The following ZSWIM6 variants were observed in gnomAD, a reference collection of about 807,000 sequenced individuals.
The protein encoded by ZSWIM6 is zinc finger SWIM domain-containing protein 6.
In ZSWIM6, 9 loss-of-function variants were observed where a neutral mutation model predicts 113.2. The ratio of observed to expected loss-of-function variants is 0.08; its 90% CI spans 0.05 to 0.14. The LOEUF (loss-of-function observed/expected upper bound fraction) is 0.14. Among genes scored for constraint, ZSWIM6 ranks in the 10% least tolerant of loss-of-function variants. The pLI, the probability that ZSWIM6 is intolerant of heterozygous loss-of-function variation, is 1.00. For missense variants in ZSWIM6, 1,162 were observed against 1,552.2 expected, an observed-to-expected ratio of 0.75 and a Z score of 4.22; for synonymous variants, 611 against 606.5, an observed-to-expected ratio of 1.01 and a Z score of -0.11.
At chr5:61,375,437 C>T in intron 1 of ZSWIM6, 2 of 1,519,774 alleles carry the variant, frequency 1.3e-6, no homozygotes, top group East Asian at 4.7e-5. Flanking sequence ...TCTTCTTCTT[C>T]ATCAAGCTCT....
At chr5:61,400,914 C>T (rs906303810) in intron 1 of ZSWIM6, among the ~76,000 whole-genome samples, 1 of 152,092 alleles carries the variant, frequency 6.6e-6, no homozygotes, top group Non-Finnish European at 1.5e-5. Context: ...TTTCCAGGCT[C>T]CTATTGACAA....
intron 1 of ZSWIM6, chr5:61,375,801 A>C: frequency 7.2e-7 from 1 of 1,388,326 alleles, no homozygotes. Flanking sequence ...AGCATAAGAA[A>C]CACAGTAAGA....
intron 1 of ZSWIM6, among the ~76,000 whole-genome samples, chr5:61,440,690 A>G (rs1746809418): frequency 6.6e-6 from 1 of 152,210 alleles, no homozygotes; most frequent in Non-Finnish European, 1.5e-5. Context: ...TGCTATTCAA[A>G]ACATGTTAGA....
rs1278218521 is a variant in ZSWIM6 at position 61,543,343 on chromosome 5, C to A, written c.2786-112C>A. 2.3e-6 allele frequency: 3 copies of A among 1,287,890 alleles called. No individual in the cohort carries two copies. The highest frequency in any genetic ancestry group is 2.7e-4 in the Middle Eastern group (1 of 3,716). The allele number at this position is 1,287,890 out of a possible 1,614,324, so 79.8% of individuals were successfully genotyped here. A position where few individuals can be genotyped will look rare whatever the true frequency, so the allele number is the denominator to read the frequency against. On this transcript the variant is annotated intron_variant, in intron 13 of 13. Coordinates refer to ENST00000252744, the MANE Select transcript of ZSWIM6 (RefSeq NM_020928.2). The surrounding 1 kb of genome is among the most constrained non-coding windows in gnomAD (Gnocchi z 4.3). ...TACTTTACAGGATTTTCTAGCCTAG[C>A]TCATGTCCTATGATGGTTAACAATG...
At chr5:61,502,431 CA>C (rs1172932221) in intron 4 of ZSWIM6, among the ~76,000 whole-genome samples, 1 of 152,118 alleles carries the variant, frequency 6.6e-6, no homozygotes, top group African/African-American at 2.4e-5. Context: ...GGTTTGGGGT[CA>C]GGGGGAAGCG....
intron 1 of ZSWIM6, among the ~76,000 whole-genome samples, chr5:61,368,013 G>A (rs574903588): frequency 1.3e-5 from 2 of 152,080 alleles, no homozygotes. Context: ...TGTAGTCCCA[G>A]CTACTTGGGA....
intron 9 of ZSWIM6, among the ~76,000 whole-genome samples, chr5:61,534,771 G>T (rs1046866263): frequency 2.6e-5 from 4 of 152,150 alleles, no homozygotes; most frequent in African/African-American, 9.7e-5. Context: ...AATTTACTAA[G>T]AAATGAATTT....
chr5:61,332,431 G>A lies in ZSWIM6; in HGVS notation c.159G>A (p.Ala53=). 9.9e-7 allele frequency: 1 copy of A among 1,005,830 alleles called. No individual in the cohort carries two copies. Among genetic ancestry groups the A allele is most frequent in the Non-Finnish European group, 1.2e-6 (1 of 846,070 alleles). The allele number at this position is 1,005,830 out of a possible 1,614,324, so 62.3% of individuals were successfully genotyped here. The change falls in exon 1 of 14, where the codon GCG becomes GCA. Residue 53 remains alanine, a synonymous_variant. Coordinates refer to ENST00000252744, the MANE Select transcript of ZSWIM6 (RefSeq NM_020928.2). ...RPGPRAGGAA[A]AAACGGGAAL... ...GCCCGCGGGCGGGTGGCGCGGCGGCGGCGGCGGCGTGCGGGGGCGGCGCGG... is the reference window on the plus strand; with the variant it reads ...GCCCGCGGGCGGGTGGCGCGGCGGCAGCGGCGGCGTGCGGGGGCGGCGCGG...
At chr5:61,522,131 CT>C (rs1227863983) in intron 5 of ZSWIM6, among the ~76,000 whole-genome samples, 3 of 149,408 alleles carry the variant, frequency 2.0e-5, no homozygotes, top group Non-Finnish European at 3.0e-5. Context: ...GCTTCTCCCT[CT>C]CTATTGTACC....
Position 61,348,280 on chromosome 5 carries a change from A to G in ZSWIM6, c.676+15332A>G, listed in dbSNP as rs188550703. Among the ~76,000 whole-genome samples the G allele has an allele frequency of 2.4e-4, 37 of 152,230 alleles. No individual in the cohort carries two copies. In the East Asian group the frequency reaches 4.6e-3, roughly 19 times the overall value. Reference sequence around the variant, plus strand: ...ATGTAGTTTGTATTTTTAAAATAGCATACGTAGGATGAGTCTTGGTGGTAG... The same window carrying G: ...ATGTAGTTTGTATTTTTAAAATAGCGTACGTAGGATGAGTCTTGGTGGTAG... On this transcript the variant is annotated intron_variant, in intron 1 of 13. Transcript: ENST00000252744.
chr5:61,431,372 CAAAAAA>C (rs397881994), intron 1 of ZSWIM6, among the ~76,000 whole-genome samples: 2 of 44,524 alleles, frequency 4.5e-5, no homozygotes, highest in African/African-American at 2.1e-4. Flanking sequence ...ACTCCATCTC[CAAAAAA>C]AAAAAAAAAA....
At chr5:61,355,440 ACACAC>A (rs761897373) in intron 1 of ZSWIM6, among the ~76,000 whole-genome samples, 6,516 of 40,452 alleles carry the variant, frequency 0.16, 183 homozygotes, top group Non-Finnish European at 0.2. Flanking sequence ...AAACACACAC[ACACAC>A]ACACACACAC....
At chr5:61,367,649 CAG>C (rs1561209846) in intron 1 of ZSWIM6, among the ~76,000 whole-genome samples, 1 of 152,160 alleles carries the variant, frequency 6.6e-6, no homozygotes, top group Non-Finnish European at 1.5e-5. Flanking sequence ...CACAGGTAGT[CAG>C]AGTCTGGAGT....
At chr5:61,449,969 T>G (rs1055525873) in intron 1 of ZSWIM6, among the ~76,000 whole-genome samples, 1 of 152,208 alleles carries the variant, frequency 6.6e-6, no homozygotes, top group Admixed American at 6.5e-5. Flanking sequence ...AGAGATGGGT[T>G]GGGGCATTGA....
At chr5:61,419,026 T>C (rs1036221969) in intron 1 of ZSWIM6, among the ~76,000 whole-genome samples, 2 of 152,192 alleles carry the variant, frequency 1.3e-5, no homozygotes, top group Non-Finnish European at 2.9e-5. Flanking sequence ...TTCACCATGT[T>C]TGCCAGGCTG....
At chr5:61,526,105 C>A in intron 6 of ZSWIM6, 129 bp downstream of exon 6, 2 of 1,410,088 alleles carry the variant, frequency 1.4e-6, no homozygotes, top group South Asian at 1.5e-5. Flanking sequence ...GCAATAGGAG[C>A]TGAGATTTTC....
chr5:61,377,538 T>C (rs552892013), intron 1 of ZSWIM6, among the ~76,000 whole-genome samples: 1 of 152,070 alleles, frequency 6.6e-6, no homozygotes, highest in South Asian at 2.1e-4. Context: ...GCCATCATGG[T>C]GAAACCCCGT....
intron 1 of ZSWIM6, among the ~76,000 whole-genome samples, chr5:61,382,489 C>T (rs984372951): frequency 2.6e-5 from 4 of 152,096 alleles, no homozygotes; most frequent in Admixed American, 6.6e-5. Context: ...GCAGCAAAGT[C>T]GTGATGCCTT....
chr5:61,334,510 TG>T, intron 1 of ZSWIM6, among the ~76,000 whole-genome samples: 1 of 152,346 alleles, frequency 6.6e-6, no homozygotes, highest in Middle Eastern at 3.4e-3. Context: ...TTCTTTTCTT[TG>T]GAAGTGGGGT....
Sources: gnomAD v4.1 joint callset for allele counts (sites outside exome capture counted in the v4.1 genomes callset) on GRCh38, gnomAD v4.1.1 for gene constraint, Gnocchi (gnomAD v3.1) non-coding constraint, MANE v1.5 for transcripts, NCBI Gene and HGNC (gene_info 2026-07-23, HGNC 2026-07-21) for gene names.